EPS8: variants seen among roughly 807,000 people sequenced by gnomAD.
EPS8 encodes the protein epidermal growth factor receptor kinase substrate 8.
A neutral mutation model predicts 103.8 loss-of-function variants in EPS8; 42 were observed. That is an observed-to-expected ratio of 0.40 (90% CI 0.32 to 0.52). EPS8 has a LOEUF of 0.52. EPS8 is among the 20% of genes least tolerant of loss of function. The pLI, the probability that EPS8 is intolerant of heterozygous loss-of-function variation, is 0.40. For synonymous variants in EPS8, 344 were observed against 344.6 expected (o/e 1.00, Z 0.02); for missense variants, 969 against 1,005.1 (o/e 0.96, Z 0.49).
At position 15,700,995 on chromosome 12, in the gene EPS8, T is replaced by C. The variant is rs1217896149; in HGVS notation, c.-21-18023A>G. On this transcript the variant is annotated intron_variant, in intron 1 of 20. Transcript: ENST00000281172. The surrounding 1 kb of genome is among the most constrained non-coding windows in gnomAD (Gnocchi z 5.1). ...ATAGTCAAAAATTGGTAATGTAAGGTATATTATAAAGAATAAACTACTACC... is the reference window on the plus strand; with the variant it reads ...ATAGTCAAAAATTGGTAATGTAAGGCATATTATAAAGAATAAACTACTACC... Among the ~76,000 whole-genome samples, 1 of 152,136 alleles carries C rather than the reference T, an allele frequency of 6.6e-6. No individual in the cohort carries two copies. Among genetic ancestry groups the C allele is most frequent in the Non-Finnish European group, 1.5e-5 (1 of 68,036 alleles).
intron 9 of EPS8, among the ~76,000 whole-genome samples, 167 bp downstream of exon 9, chr12:15,661,859 C>T (rs767840906): frequency 2.8e-4 from 42 of 152,238 alleles, no homozygotes; most frequent in Admixed American, 2.1e-3. Context: ...AAATGTTTAA[C>T]GAGAAAATAA....
At chr12:15,665,290 T>C (rs1196184696) in intron 8 of EPS8, 1 of 172,624 alleles carries the variant, frequency 5.8e-6, no homozygotes, top group Admixed American at 6.2e-5. Flanking sequence ...CAGATAATAA[T>C]CTTAACAAAA....
At chr12:15,682,571 C>T (rs1325376281) in intron 2 of EPS8, among the ~76,000 whole-genome samples, 2 of 152,024 alleles carry the variant, frequency 1.3e-5, no homozygotes, top group African/African-American at 2.4e-5. Context: ...ACAGAATGCA[C>T]CACAGAAATT....
rs1946837497 is a variant in EPS8, at chr12:15,742,714, CT to C, written c.-22+46446del. On this transcript the variant is annotated intron_variant, in intron 1 of 20. Transcript: ENST00000281172. Reference sequence around the variant, plus strand: ...AGGCCTTTGACAAAATTCAACAGCCCTTCATGCTAAAAACTCTCAATTAACT... The same window carrying C: ...AGGCCTTTGACAAAATTCAACAGCCCTCATGCTAAAAACTCTCAATTAACT... Among the ~76,000 whole-genome samples, 4 of 152,298 alleles carry C rather than the reference CT, an allele frequency of 2.6e-5. No individual in the cohort carries two copies. In the South Asian group the frequency reaches 8.3e-4, roughly 32 times the overall value.
Position 15,713,095 on chromosome 12 carries a change from T to A in EPS8, c.-21-30123A>T. On this transcript the variant is annotated intron_variant, in intron 1 of 20. Transcript: ENST00000281172. The surrounding 1 kb of genome is among the most constrained non-coding windows in gnomAD (Gnocchi z 4.8). ...ACACAGCTACCACTACACTTCCAACTCTTGCCTAAGATGATTTTTTTTTTA... is the reference window on the plus strand; with the variant it reads ...ACACAGCTACCACTACACTTCCAACACTTGCCTAAGATGATTTTTTTTTTA... 1 of 578,852 alleles carries A rather than the reference T, an allele frequency of 1.7e-6. No homozygotes were observed. Among genetic ancestry groups the A allele is most frequent in the Non-Finnish European group, 2.2e-6 (1 of 458,574 alleles). The allele number at this position is 578,852 out of a possible 1,614,324, so 35.9% of individuals were successfully genotyped here. A position where few individuals can be genotyped will look rare whatever the true frequency, so the allele number is the denominator to read the frequency against.
chr12:15,644,526 C>G (rs1186383468), intron 15 of EPS8, among the ~76,000 whole-genome samples: 1 of 152,028 alleles, frequency 6.6e-6, no homozygotes, highest in Non-Finnish European at 1.5e-5. Context: ...AACCCCATCT[C>G]TACTAAAAAA....
In EPS8 at chr12:15,776,786, C is replaced by T. The variant is rs1000308635; in HGVS notation, c.-22+12375G>A. Among the ~76,000 whole-genome samples, 19 of 152,096 alleles carry T rather than the reference C, an allele frequency of 1.2e-4. No homozygotes were observed. Among genetic ancestry groups the T allele is most frequent in the South Asian group, 2.1e-4 (1 of 4,826 alleles). On this transcript the variant is annotated intron_variant, in intron 1 of 20. Coordinates refer to ENST00000281172, the MANE Select transcript of EPS8 (RefSeq NM_004447.6). The surrounding 1 kb of genome is among the most constrained non-coding windows in gnomAD (Gnocchi z 4.2). ...ATTTTAGCGTTTCCCCTTTTGCTAC[C>T]GCCAAACTATTTTTATATCAGATTC... is the stretch of plus-strand genomic sequence containing the variant.
At position 15,731,112 on chromosome 12, in the gene EPS8, T is replaced by C. The variant is rs895582299; in HGVS notation, c.-21-48140A>G. On this transcript the variant is annotated intron_variant, in intron 1 of 20. Coordinates refer to ENST00000281172, the MANE Select transcript of EPS8 (RefSeq NM_004447.6). This position sits in a 1 kb window ranked among gnomAD's most constrained non-coding sequence, Gnocchi z 5.1. ...GGCATATCTATATATGACATAGAAATTCATCTTTTTTAGATAGAATAATTA... is the reference window on the plus strand; with the variant it reads ...GGCATATCTATATATGACATAGAAACTCATCTTTTTTAGATAGAATAATTA... 6.6e-6 allele frequency among the ~76,000 whole-genome samples: 1 copy of C among 152,166 alleles called. No individual in the cohort carries two copies. The highest frequency in any genetic ancestry group is 1.5e-5 in the Non-Finnish European group (1 of 68,018).
At chr12:15,758,116 T>A (rs763564174) in intron 1 of EPS8, among the ~76,000 whole-genome samples, 1 of 152,104 alleles carries the variant, frequency 6.6e-6, no homozygotes, top group Non-Finnish European at 1.5e-5. Flanking sequence ...CAGTCTTAAG[T>A]CACATAGCAT....
At chr12:15,712,750 G>T in intron 1 of EPS8, 1 of 462,748 alleles carries the variant, frequency 2.2e-6, no homozygotes, top group Non-Finnish European at 2.8e-6. Flanking sequence ...TGGACTAAAA[G>T]TATTGCTACA....
rs550562700 is a variant in EPS8, at chr12:15,752,330, C to G, written c.-22+36831G>C. On this transcript the variant is annotated intron_variant, in intron 1 of 20. Coordinates refer to ENST00000281172, the MANE Select transcript of EPS8 (RefSeq NM_004447.6). The surrounding 1 kb of genome is among the most constrained non-coding windows in gnomAD (Gnocchi z 4.4). ...GGTGTGGTGGCGGGTGCCTGTAGTC[C>G]CAGCTACAAGGGAGGCTAAGGCAGG... Among the ~76,000 whole-genome samples, 2 of 151,982 alleles carry G rather than the reference C, an allele frequency of 1.3e-5. No individual in the cohort carries two copies. The highest frequency in any genetic ancestry group is 6.6e-5 in the Admixed American group (1 of 15,264).
intron 13 of EPS8, 96 bp downstream of exon 13, chr12:15,654,049 A>T: frequency 8.4e-7 from 1 of 1,187,416 alleles, no homozygotes; most frequent in Non-Finnish European, 1.2e-6. Context: ...TATGACGCTT[A>T]GTCCTTCGTA....
intron 1 of EPS8, among the ~76,000 whole-genome samples, chr12:15,709,667 G>T (rs115788683): frequency 0.011 from 1,746 of 152,322 alleles, 39 homozygotes; most frequent in African/African-American, 0.039. Context: ...AATTGAAAGA[G>T]TCTTTGGAAT....
Position 15,654,433 on chromosome 12 carries a change from T to C in EPS8, c.1102-140A>G, listed in dbSNP as rs4763427. 699,165 of 733,356 alleles carry C rather than the reference T, an allele frequency of 0.95. 334,942 individuals carry two copies. The highest frequency in any genetic ancestry group is 0.98 in the Non-Finnish European group (428,307 of 438,206). The allele number at this position is 733,356 out of a possible 1,614,324, so 45.4% of individuals were successfully genotyped here. ...CTTTTGATGCTGTGCAATGTGCTAC[T>C]GAATGAAGAAAAGCTTGTCAAATCA... On this transcript the variant is annotated intron_variant, in intron 12 of 20. Transcript: ENST00000281172.
Position 15,713,622 on chromosome 12 carries a change from C to G in EPS8, c.-21-30650G>C, listed in dbSNP as rs1946495606. Among the ~76,000 whole-genome samples the G allele has an allele frequency of 6.6e-6, 1 of 152,210 alleles. No individual in the cohort carries two copies. Among genetic ancestry groups the G allele is most frequent in the Non-Finnish European group, 1.5e-5 (1 of 68,036 alleles). ...TGGATTTCCAGCCCCATTAAACCTT[C>G]ACAACTCTAAAGCAGTCCTGATACT... is the stretch of plus-strand genomic sequence containing the variant. On this transcript the variant is annotated intron_variant, in intron 1 of 20. Transcript: ENST00000281172. The surrounding 1 kb of genome is among the most constrained non-coding windows in gnomAD (Gnocchi z 4.8).
intron 3 of EPS8, chr12:15,671,558 A>G (rs1945818504): frequency 6.6e-6 from 1 of 152,146 alleles, no homozygotes; most frequent in African/African-American, 2.4e-5. Flanking sequence ...GTAGAAAGTT[A>G]TTGCACCAAA....
chr12:15,729,214 C>T lies in EPS8; in HGVS notation c.-21-46242G>A, dbSNP rs185362029. Reference sequence around the variant, plus strand: ...ATTTCTGCAATTTGAATAAGATATGCCTGTCTGTAGATTTTTTGGTGTTTG... The same window carrying T: ...ATTTCTGCAATTTGAATAAGATATGTCTGTCTGTAGATTTTTTGGTGTTTG... On this transcript the variant is annotated intron_variant, in intron 1 of 20. Transcript: ENST00000281172. Among the ~76,000 whole-genome samples, 4 of 152,218 alleles carry T rather than the reference C, an allele frequency of 2.6e-5. No homozygotes were observed. The East Asian group carries it at 7.7e-4, about 29-fold the overall frequency.
chr12:15,696,807 T>C lies in EPS8; in HGVS notation c.-21-13835A>G, dbSNP rs1946249516. On this transcript the variant is annotated intron_variant, in intron 1 of 20. Transcript: ENST00000281172. This position sits in a 1 kb window ranked among gnomAD's most constrained non-coding sequence, Gnocchi z 4.8. Reference sequence around the variant, plus strand: ...TTTGCCAGGAATTACATTCCTAAACTCGGGCATGTGGAATTAAAACCAAGC... The same window carrying C: ...TTTGCCAGGAATTACATTCCTAAACCCGGGCATGTGGAATTAAAACCAAGC... 6.6e-6 allele frequency among the ~76,000 whole-genome samples: 1 copy of C among 152,152 alleles called. No homozygotes were observed. The highest frequency in any genetic ancestry group is 1.5e-5 in the Non-Finnish European group (1 of 68,016).
intron 13 of EPS8, among the ~76,000 whole-genome samples, chr12:15,652,594 TATAAAA>T (rs1945434315): frequency 2.0e-5 from 3 of 152,234 alleles, no homozygotes; most frequent in South Asian, 4.1e-4. Flanking sequence ...CAATTAAAAT[TATAAAA>T]ATAAAAAGAT....
Sources: gnomAD v4.1 joint callset for allele counts (sites outside exome capture counted in the v4.1 genomes callset) on GRCh38, gnomAD v4.1.1 for gene constraint, Gnocchi (gnomAD v3.1) non-coding constraint, MANE v1.5 for transcripts, NCBI Gene and HGNC (gene_info 2026-07-23, HGNC 2026-07-21) for gene names.